The following ACYP2 variants were observed in gnomAD, a reference collection of about 807,000 sequenced individuals.
The protein encoded by ACYP2 is acylphosphatase 2, also known as acylphosphatase-2.
In ACYP2, 12 loss-of-function variants were observed where a neutral mutation model predicts 11.2. The ratio of observed to expected loss-of-function variants is 1.08; its 90% CI spans 0.69 to 1.74. The LOEUF (loss-of-function observed/expected upper bound fraction) is 1.74, where lower values mean the gene tolerates loss of function less well. Ranked by LOEUF, ACYP2 falls within the 40% of genes most tolerant of loss-of-function variation. The pLI is 0.00. For synonymous variants in ACYP2, 43 were observed against 32.2 expected, an observed-to-expected ratio of 1.33 and a Z score of -1.13; for missense variants, 134 against 101.9, an observed-to-expected ratio of 1.31 and a Z score of -1.35.
intron 2 of ACYP2, among the ~76,000 whole-genome samples, chr2:54,038,314 C>A (rs1675021095): frequency 6.6e-6 from 1 of 152,152 alleles, no homozygotes; most frequent in Admixed American, 6.5e-5. Flanking sequence ...GGTAAGTTGA[C>A]CCTTTTCCCG....
At chr2:54,003,753 A>G (rs1376048679) in intron 2 of ACYP2, among the ~76,000 whole-genome samples, 1 of 152,224 alleles carries the variant, frequency 6.6e-6, no homozygotes, top group African/African-American at 2.4e-5. Flanking sequence ...AAATACTGAT[A>G]CCAAATGTGA....
At chr2:54,293,938 AT>A (rs1228990955) in intron 6 of ACYP2, among the ~76,000 whole-genome samples, 2 of 152,232 alleles carry the variant, frequency 1.3e-5, no homozygotes, top group Non-Finnish European at 2.9e-5. Flanking sequence ...AATGGCAAAA[AT>A]GTTATATATT....
chr2:54,186,469 A>C (rs1021713264), intron 6 of ACYP2, among the ~76,000 whole-genome samples: 22 of 152,174 alleles, frequency 1.4e-4, no homozygotes, highest in African/African-American at 5.1e-4. Flanking sequence ...CTAGGAAATA[A>C]TCAGATATTA....
intron 2 of ACYP2, among the ~76,000 whole-genome samples, chr2:53,994,727 G>C (rs895784624): frequency 6.6e-6 from 1 of 152,080 alleles, no homozygotes; most frequent in Non-Finnish European, 1.5e-5. Flanking sequence ...AACTACTATA[G>C]GATAGCAATT....
At chr2:54,234,709 G>T (rs1686395932) in intron 6 of ACYP2, among the ~76,000 whole-genome samples, 1 of 152,188 alleles carries the variant, frequency 6.6e-6, no homozygotes, top group Non-Finnish European at 1.5e-5. Flanking sequence ...AATTGATGCA[G>T]ATGGTCTGCC....
chr2:54,014,170 AAAG>A (rs1325114971), intron 2 of ACYP2, among the ~76,000 whole-genome samples: 1 of 152,052 alleles, frequency 6.6e-6, no homozygotes, highest in East Asian at 1.9e-4. Flanking sequence ...TGAAAAAAAA[AAAG>A]AAAGAAACTC....
chr2:54,203,419 G>C (rs1370656628), intron 6 of ACYP2, among the ~76,000 whole-genome samples: 1 of 152,060 alleles, frequency 6.6e-6, no homozygotes, highest in Non-Finnish European at 1.5e-5. Context: ...AATAGAGATA[G>C]TTTTACTTCT....
At chr2:54,239,883 C>T (rs934049112) in intron 6 of ACYP2, among the ~76,000 whole-genome samples, 4 of 152,134 alleles carry the variant, frequency 2.6e-5, no homozygotes, top group Non-Finnish European at 5.9e-5. Context: ...CATGTGTTTA[C>T]ATATGAATCT....
chr2:54,124,515 A>G (rs1236559130), intron 4 of ACYP2, among the ~76,000 whole-genome samples: 1 of 152,106 alleles, frequency 6.6e-6, no homozygotes, highest in African/African-American at 2.4e-5. Flanking sequence ...TCTTTTCTAT[A>G]TGATTTATTT....
intron 2 of ACYP2, among the ~76,000 whole-genome samples, chr2:54,036,359 G>A (rs1026481556): frequency 6.6e-6 from 1 of 152,224 alleles, no homozygotes; most frequent in Admixed American, 6.5e-5. Flanking sequence ...CTACCAAAGT[G>A]TTGGGATTAC....
At chr2:54,123,063 C>T (rs1680249875) in intron 4 of ACYP2, 2 of 278,382 alleles carry the variant, frequency 7.2e-6, no homozygotes, top group South Asian at 1.7e-4. Flanking sequence ...TTGCTCCCAG[C>T]GGGAGGAAGA....
chr2:54,010,561 T>C (rs1206255214), intron 2 of ACYP2, among the ~76,000 whole-genome samples: 2 of 151,998 alleles, frequency 1.3e-5, no homozygotes, highest in African/African-American at 4.8e-5. Flanking sequence ...AAATATTTCA[T>C]GTGTCCCATA....
intron 4 of ACYP2, among the ~76,000 whole-genome samples, chr2:54,107,163 T>C (rs994115059): frequency 1.3e-5 from 2 of 152,184 alleles, no homozygotes; most frequent in African/African-American, 4.8e-5. Flanking sequence ...GAAATTATGG[T>C]TAACTAGAGC....
intron 2 of ACYP2, among the ~76,000 whole-genome samples, chr2:54,025,862 G>A (rs1263981743): frequency 6.6e-6 from 1 of 152,160 alleles, no homozygotes; most frequent in Non-Finnish European, 1.5e-5. Flanking sequence ...TTGGGAGGCC[G>A]AGGCAGGAAT....
rs531785105 is a variant in ACYP2, at chr2:54,114,979, T to G, written c.278-20474T>G. 2.0e-5 allele frequency among the ~76,000 whole-genome samples: 3 copies of G among 151,364 alleles called. No homozygotes were observed. The East Asian group carries it at 5.8e-4, about 29-fold the overall frequency. ...TCAAAACACTAAACACGCAGGCCCT[T>G]GATTTCAAAAGCCAATCTTGCTGGG... is the stretch of plus-strand genomic sequence containing the variant. On this transcript the variant is annotated intron_variant, in intron 4 of 6. Transcript: ENST00000607452.
chr2:54,051,552 A>G, intron 3 of ACYP2: 2 of 741,848 alleles, frequency 2.7e-6, no homozygotes, highest in Admixed American at 1.8e-5. Flanking sequence ...AAAGGAGATC[A>G]TCTTGGCCTG....
At position 54,025,187 on chromosome 2, in the gene ACYP2, T is replaced by A. The variant is rs1292796582; in HGVS notation, c.63-25771T>A. 4.6e-5 allele frequency among the ~76,000 whole-genome samples: 7 copies of A among 152,070 alleles called. No individual in the cohort carries two copies. In the East Asian group the frequency reaches 1.2e-3, roughly 25 times the overall value. ...CATACTGTCAAAAGCAATCTACAAA[T>A]TCAATGACATTCTCATCATTCTTCA... On this transcript the variant is annotated intron_variant, in intron 2 of 6. Coordinates refer to ENST00000607452, the MANE Select transcript of ACYP2 (RefSeq NM_001320586.2).
intron 6 of ACYP2, among the ~76,000 whole-genome samples, chr2:54,163,836 C>G (rs1332830772): frequency 6.6e-6 from 1 of 151,880 alleles, no homozygotes; most frequent in Non-Finnish European, 1.5e-5. Context: ...AGCCTGGCCA[C>G]CAAGAGCAAA....
chr2:54,122,536 C>T (rs1680220803), intron 4 of ACYP2, among the ~76,000 whole-genome samples: 1 of 152,194 alleles, frequency 6.6e-6, no homozygotes, highest in South Asian at 2.1e-4. Flanking sequence ...GCCACGAAAG[C>T]CCATAGATAA....
Sources: gnomAD v4.1 joint callset for allele counts (sites outside exome capture counted in the v4.1 genomes callset) on GRCh38, gnomAD v4.1.1 for gene constraint, MANE v1.5 for transcripts, NCBI Gene and HGNC (gene_info 2026-07-23, HGNC 2026-07-21) for gene names.